ATG7: variants seen among roughly 807,000 people sequenced by gnomAD.
ATG7 encodes the protein autophagy related 7.
ATG7 carries 70 observed loss-of-function variants against 82.4 expected under a neutral mutation model. The ratio of observed to expected loss-of-function variants is 0.85; its 90% CI spans 0.70 to 1.04. The LOEUF (loss-of-function observed/expected upper bound fraction) is 1.04, where lower values mean the gene tolerates loss of function less well. Ranked by LOEUF, ATG7 falls within the 50% of genes least tolerant of loss-of-function variation. The pLI, the probability that ATG7 is intolerant of heterozygous loss-of-function variation, is 0.00. For missense variants in ATG7, 792 were observed against 864.3 expected, an observed-to-expected ratio of 0.92 and a Z score of 1.05; for synonymous variants, 287 against 313.0, an observed-to-expected ratio of 0.92 and a Z score of 0.88.
At chr3:11,425,410 T>A (rs565882435) in intron 19 of ATG7, among the ~76,000 whole-genome samples, 1 of 152,256 alleles carries the variant, frequency 6.6e-6, no homozygotes, top group Admixed American at 6.5e-5. Context: ...CTATTTCTTG[T>A]ATAATTACTG....
At chr3:11,451,258 C>G (rs184756423) in intron 20 of ATG7, among the ~76,000 whole-genome samples, 2 of 146,776 alleles carry the variant, frequency 1.4e-5, no homozygotes, top group African/African-American at 2.5e-5. Context: ...GTCACCCAGG[C>G]TGGAGTGTAG....
intron 19 of ATG7, among the ~76,000 whole-genome samples, chr3:11,382,955 T>TTCTTG (rs1052751403): frequency 6.6e-6 from 1 of 152,218 alleles, no homozygotes; most frequent in Non-Finnish European, 1.5e-5. Context: ...CCCCATTTTT[T>TTCTTG]TCTTGAAATT....
intron 9 of ATG7, 35 bp downstream of exon 9, chr3:11,315,528 G>A: frequency 6.7e-7 from 1 of 1,500,542 alleles, no homozygotes; most frequent in Non-Finnish European, 8.9e-7. Context: ...TTATTATATA[G>A]TTTTTTAAAA....
chr3:11,278,367 T>G lies in ATG7; in HGVS notation c.-365-2627T>G, dbSNP rs541442496. ...ACAGGCATAAGAAATTATAAAAGTA[T>G]TATTTGGGAACTGATATATGTCCAT... On this transcript the variant is annotated intron_variant, in intron 1 of 20. Transcript: ENST00000693202. Among the ~76,000 whole-genome samples, 189 of 152,360 alleles carry G rather than the reference T, an allele frequency of 1.2e-3. 1 individual carries two copies. The highest frequency in any genetic ancestry group is 4.4e-3 in the African/African-American group (182 of 41,588).
At chr3:11,505,668 G>A (rs377197135) in intron 20 of ATG7, among the ~76,000 whole-genome samples, 14 of 152,268 alleles carry the variant, frequency 9.2e-5, no homozygotes, top group Admixed American at 2.6e-4. Flanking sequence ...CAGGAAATGG[G>A]AACCTTGCCA....
chr3:11,404,792 G>A (rs948976298), intron 19 of ATG7, among the ~76,000 whole-genome samples: 1 of 152,060 alleles, frequency 6.6e-6, no homozygotes, highest in African/African-American at 2.4e-5. Context: ...GGCTTGTGGA[G>A]GGGAACTCCC....
At position 11,546,117 on chromosome 3, in the gene ATG7, CAG is replaced by C. The variant is rs563358137; in HGVS notation, c.2080-8691_2080-8690del. Reference sequence around the variant, plus strand: ...TGGCACCACACTCCAGCCTGGGTGACAGAGTGAGGCCCTGTCTCAAAAAGTAA... The same window carrying C: ...TGGCACCACACTCCAGCCTGGGTGACAGTGAGGCCCTGTCTCAAAAAGTAA... On this transcript the variant is annotated intron_variant, in intron 20 of 20. Transcript: ENST00000693202. Among the ~76,000 whole-genome samples the C allele has an allele frequency of 3.2e-3, 479 of 148,446 alleles. 5 individuals are homozygous for C. Among genetic ancestry groups the C allele is most frequent in the African/African-American group, 0.011 (459 of 40,084 alleles).
chr3:11,543,799 G>A (rs552800249), intron 20 of ATG7, among the ~76,000 whole-genome samples: 1 of 152,340 alleles, frequency 6.6e-6, no homozygotes, highest in East Asian at 1.9e-4. Flanking sequence ...CTACTCAGGA[G>A]GCTGAGGCAC....
chr3:11,508,345 A>G (rs2091860212), intron 20 of ATG7, among the ~76,000 whole-genome samples: 2 of 152,230 alleles, frequency 1.3e-5, no homozygotes, highest in African/African-American at 4.8e-5. Flanking sequence ...TAAAAAAAAA[A>G]AAAAAGAAAA....
downstream of ATG7, among the ~76,000 whole-genome samples, chr3:11,559,064 G>A (rs2072715018): frequency 6.6e-6 from 1 of 152,208 alleles, no homozygotes; most frequent in Non-Finnish European, 1.5e-5. Flanking sequence ...AAGAGAATGT[G>A]GCATTAAATT....
chr3:11,558,860 A>G (rs776470532), downstream of ATG7: 26 of 1,604,556 alleles, frequency 1.6e-5, no homozygotes, highest in East Asian at 2.2e-5. Context: ...GCAGTCAGAC[A>G]CAGGTGGCTG....
chr3:11,310,701 C>T (rs1320535317), intron 7 of ATG7, among the ~76,000 whole-genome samples: 5 of 149,188 alleles, frequency 3.4e-5, no homozygotes, highest in African/African-American at 9.9e-5. Context: ...GGTGCGATGT[C>T]GGCTCACTGC....
chr3:11,468,573 C>G (rs187188358), intron 20 of ATG7, among the ~76,000 whole-genome samples: 1 of 152,142 alleles, frequency 6.6e-6, no homozygotes, highest in East Asian at 1.9e-4. Context: ...TTAGCCCTCT[C>G]GATCCCCACA....
rs1575704745 is a variant in ATG7, at chr3:11,362,296, A to G, written c.1684-517A>G. Among the ~76,000 whole-genome samples, 4 of 152,362 alleles carry G rather than the reference A, an allele frequency of 2.6e-5. No individual in the cohort carries two copies. The South Asian group carries it at 8.3e-4, about 32-fold the overall frequency. The stretch of plus-strand genomic sequence containing the variant: ...AAAAAATACTTGTAGTAAACCCTAG[A>G]ATCACACAGAGAGGTGATGCCCATG... On this transcript the variant is annotated intron_variant, in intron 16 of 20. Coordinates refer to ENST00000693202, the MANE Select transcript of ATG7 (RefSeq NM_001349232.2).
At chr3:11,491,530 T>G (rs533842843) in intron 20 of ATG7, among the ~76,000 whole-genome samples, 248 of 152,326 alleles carry the variant, frequency 1.6e-3, no homozygotes, top group Non-Finnish European at 3.0e-3. Flanking sequence ...TGCGTTCCTT[T>G]GGAGGAGGAG....
At position 11,554,816 on chromosome 3, in the gene ATG7, G is replaced by GGACATGAGCGAT. The variant is rs752818303; in HGVS notation, c.2088_2099dup (p.Met697_Asp700dup). ...CTCTCCCCTTCTCCATGCAGATCTG[G>GGACATGAGCGAT]GACATGAGCGATGATGAGACCATCT... On this transcript the variant is annotated inframe_insertion, in exon 21 of 21. Transcript: ENST00000693202. The GGACATGAGCGAT allele has an allele frequency of 6.2e-7, 1 of 1,613,380 alleles. No homozygotes were observed. Among genetic ancestry groups the GGACATGAGCGAT allele is most frequent in the East Asian group, 2.2e-5 (1 of 44,846 alleles).
Position 11,431,127 on chromosome 3 carries a change from G to A in ATG7, c.2079+4201G>A, listed in dbSNP as rs146180577. 1.3e-3 allele frequency among the ~76,000 whole-genome samples: 191 copies of A among 152,322 alleles called. 1 individual carries two copies. Among genetic ancestry groups the A allele is most frequent in the African/African-American group, 4.1e-3 (172 of 41,568 alleles). ...ATAAAACACACCATTTTGGCTGGGC[G>A]CAGTGGCTCACGCCTGTAATCCCAG... On this transcript the variant is annotated intron_variant, in intron 20 of 20. Transcript: ENST00000693202.
intron 19 of ATG7, among the ~76,000 whole-genome samples, chr3:11,390,301 T>A (rs2078690979): frequency 6.6e-6 from 1 of 152,266 alleles, no homozygotes; most frequent in East Asian, 1.9e-4. Flanking sequence ...AATGACTTGC[T>A]AATAGACTAA....
intron 18 of ATG7, among the ~76,000 whole-genome samples, chr3:11,372,075 TC>T (rs1289716615): frequency 1.3e-5 from 2 of 151,312 alleles, no homozygotes; most frequent in Non-Finnish European, 2.9e-5. Flanking sequence ...GTGTGTCCTG[TC>T]TCCTAAGGCC....
Sources: gnomAD v4.1 joint callset for allele counts (sites outside exome capture counted in the v4.1 genomes callset) on GRCh38, gnomAD v4.1.1 for gene constraint, MANE v1.5 for transcripts, NCBI Gene and HGNC (gene_info 2026-07-23, HGNC 2026-07-21) for gene names.